Variants in WIPI2 observed in about 807,000 individuals in gnomAD.
WIPI2 encodes the protein WD repeat domain phosphoinositide-interacting protein 2.
A neutral mutation model predicts 52.3 loss-of-function variants in WIPI2; 28 were observed. The ratio of observed to expected loss-of-function variants is 0.54; its 90% CI spans 0.40 to 0.73. The LOEUF (loss-of-function observed/expected upper bound fraction) is 0.73, where lower values mean the gene tolerates loss of function less well. Ranked by LOEUF, WIPI2 falls within the 30% of genes least tolerant of loss-of-function variation. The pLI is 0.00. For missense variants in WIPI2, 506 were observed against 602.9 expected (o/e 0.84, Z 1.68); for synonymous variants, 268 against 245.0 (o/e 1.09, Z -0.88).
intron 3 of WIPI2, among the ~76,000 whole-genome samples, chr7:5,205,309 T>C (rs1161440918): frequency 6.6e-6 from 1 of 152,178 alleles, no homozygotes; most frequent in Non-Finnish European, 1.5e-5. Flanking sequence ...GACAAAAATA[T>C]GTTCACTCCA....
At chr7:5,200,247 T>C (rs1000516012) in intron 3 of WIPI2, among the ~76,000 whole-genome samples, 1 of 152,196 alleles carries the variant, frequency 6.6e-6, no homozygotes, top group African/African-American at 2.4e-5. Context: ...TTAGAGATTA[T>C]GTATGTGTGT....
chr7:5,232,298 G>A lies in WIPI2; in HGVS notation c.*1351G>A, dbSNP rs960616572. 23 of 398,674 alleles carry A rather than the reference G, an allele frequency of 5.8e-5. No homozygotes were observed. Among genetic ancestry groups the A allele is most frequent in the Middle Eastern group, 1.3e-3 (2 of 1,588 alleles). The allele number at this position is 398,674 out of a possible 1,614,324, so 24.7% of individuals were successfully genotyped here. ...GATGGTTGTCATGGTCACGCTGGGCGAAGAGCTGGAGGGGAGTTGTCCCCT... is the reference window on the plus strand; with the variant it reads ...GATGGTTGTCATGGTCACGCTGGGCAAAGAGCTGGAGGGGAGTTGTCCCCT... On this transcript the variant is annotated 3_prime_UTR_variant, in exon 13 of 13. Coordinates refer to ENST00000288828, the MANE Select transcript of WIPI2 (RefSeq NM_015610.4).
intron 3 of WIPI2, among the ~76,000 whole-genome samples, chr7:5,209,939 G>T (rs541562588): frequency 6.6e-6 from 1 of 151,782 alleles, no homozygotes; most frequent in Admixed American, 6.6e-5. Context: ...GTGGAGTCTC[G>T]TTGTGCTGCC....
chr7:5,225,895 C>A lies in WIPI2; in HGVS notation c.813C>A (p.Thr271=), dbSNP rs761830954. The A allele has an allele frequency of 3.1e-6, 5 of 1,613,940 alleles. No individual in the cohort carries two copies. The Admixed American group carries it at 6.7e-5, about 22-fold the overall frequency. The change falls in exon 9 of 13, where the codon ACC becomes ACA. Residue 271 remains threonine (T), a synonymous_variant. Coordinates refer to ENST00000288828, the MANE Select transcript of WIPI2 (RefSeq NM_015610.4). ...TCTCCGCCTCCAGCAACACTGAGAC[C>A]GTGCACATCTTCAAACTCGAGACTG... ...MFLSASSNTE[T]VHIFKLETVK...
intron 2 of WIPI2, among the ~76,000 whole-genome samples, chr7:5,195,238 G>A (rs1015199182): frequency 4.6e-5 from 7 of 152,214 alleles, no homozygotes; most frequent in Admixed American, 3.9e-4. Flanking sequence ...TGTAATCCTG[G>A]CACTATGCAA....
intron 2 of WIPI2, among the ~76,000 whole-genome samples, chr7:5,197,111 CAAAAAACAAAAAAAAAAAAA>C (rs1302756158): frequency 1.1e-4 from 6 of 56,432 alleles, no homozygotes; most frequent in African/African-American, 2.9e-4. Context: ...GACTCCGTCT[CAAAAAACAAAAAAAAAAAAA>C]AAAAAAAAAA....
chr7:5,190,258 A>C lies in WIPI2; in HGVS notation c.-162A>C. The C allele has an allele frequency of 2.8e-6, 1 of 354,224 alleles. No individual in the cohort carries two copies. Among genetic ancestry groups the C allele is most frequent in the Non-Finnish European group, 4.7e-6 (1 of 213,458 alleles). The allele number at this position is 354,224 out of a possible 1,614,324, so 21.9% of individuals were successfully genotyped here. A position where few individuals can be genotyped will look rare whatever the true frequency, so the allele number is the denominator to read the frequency against. ...GTACCGGGTGCCCCGGCTCTGGAGC[A>C]TAAACAAGAGCGGGGACGGGATGAG... On this transcript the variant is annotated 5_prime_UTR_variant, in exon 1 of 13. Coordinates refer to ENST00000288828, the MANE Select transcript of WIPI2 (RefSeq NM_015610.4).
intron 3 of WIPI2, among the ~76,000 whole-genome samples, chr7:5,204,761 G>A (rs1386052114): frequency 1.3e-5 from 2 of 151,930 alleles, no homozygotes; most frequent in Non-Finnish European, 2.9e-5. Context: ...ACGGCTCACT[G>A]TAACCTCAAC....
In WIPI2 at chr7:5,218,904, CCTTTA is replaced by C. The variant is rs200632581; in HGVS notation, c.669+895_669+899del. 4 of 152,320 alleles carry C rather than the reference CCTTTA, an allele frequency of 2.6e-5. 1 individual carries two copies. The East Asian group carries it at 7.7e-4, about 29-fold the overall frequency. The allele number at this position is 152,320 out of a possible 1,614,324, so 9.4% of individuals were successfully genotyped here. On this transcript the variant is annotated intron_variant, in intron 7 of 12. Coordinates refer to ENST00000288828, the MANE Select transcript of WIPI2 (RefSeq NM_015610.4). ...TCCGCTCTTCATTGGCCACCGATGACCTTTACTTTGATTTGGATATGATTTTGCTT... is the reference window on the plus strand; with the variant it reads ...TCCGCTCTTCATTGGCCACCGATGACCTTTGATTTGGATATGATTTTGCTT...
chr7:5,190,572 C>A, intron 1 of WIPI2, 79 bp downstream of exon 1: 3 of 1,292,900 alleles, frequency 2.3e-6, no homozygotes, highest in Non-Finnish European at 2.0e-6. Context: ...CGCTGCCAAG[C>A]TCGGCGGCGT....
At chr7:5,200,258 A>T (rs531276166) in intron 3 of WIPI2, among the ~76,000 whole-genome samples, 1 of 152,320 alleles carries the variant, frequency 6.6e-6, no homozygotes, top group East Asian at 1.9e-4. Flanking sequence ...GTATGTGTGT[A>T]CTTAACAGTG....
At chr7:5,204,715 A>G (rs1782208168) in intron 3 of WIPI2, among the ~76,000 whole-genome samples, 1 of 151,856 alleles carries the variant, frequency 6.6e-6, no homozygotes, top group African/African-American at 2.4e-5. Flanking sequence ...TTTAAAACAC[A>G]GGGTCTCGCT....
In WIPI2 at chr7:5,229,205, C is replaced by T. The variant is rs942469018; in HGVS notation, c.1122-403C>T. On this transcript the variant is annotated intron_variant, in intron 11 of 12. Coordinates refer to ENST00000288828, the MANE Select transcript of WIPI2 (RefSeq NM_015610.4). ...TAATTTTTTGTATTTTTAGTAGAGA[C>T]GGGGTTTCACTGTGTTAGCCAGGAT... Among the ~76,000 whole-genome samples, 5 of 152,104 alleles carry T rather than the reference C, an allele frequency of 3.3e-5. 1 individual carries two copies. The highest frequency in any genetic ancestry group is 1.2e-4 in the African/African-American group (5 of 41,518).
At chr7:5,206,553 A>C (rs1012810823) in intron 3 of WIPI2, among the ~76,000 whole-genome samples, 1 of 152,222 alleles carries the variant, frequency 6.6e-6, no homozygotes, top group Non-Finnish European at 1.5e-5. Context: ...ACCATTTCCA[A>C]GTGATGGTTG....
chr7:5,230,737 T>C lies in WIPI2; in HGVS notation c.1253-98T>C. 2 of 787,920 alleles carry C rather than the reference T, an allele frequency of 2.5e-6. No individual in the cohort carries two copies. The highest frequency in any genetic ancestry group is 3.9e-6 in the Non-Finnish European group (2 of 508,762). 48.8% of individuals were successfully genotyped at this position (787,920 alleles called of 1,614,324 possible). A position where few individuals can be genotyped will look rare whatever the true frequency, so the allele number is the denominator to read the frequency against. On this transcript the variant is annotated intron_variant, in intron 12 of 12. Transcript: ENST00000288828. This position sits in a 1 kb window ranked among gnomAD's most constrained non-coding sequence, Gnocchi z 4.8. ...CTTAGTACAGGCTTCAGTTTATAAA[T>C]ATACACCAGTGTTTCCAAAACACAG... is the stretch of plus-strand genomic sequence containing the variant.
Position 5,211,130 on chromosome 7 carries a change from G to A in WIPI2, c.212-3405G>A, listed in dbSNP as rs187589845. 4.7e-4 allele frequency among the ~76,000 whole-genome samples: 72 copies of A among 152,306 alleles called. No homozygotes were observed. The East Asian group carries it at 7.9e-3, about 17-fold the overall frequency. Reference sequence around the variant, plus strand: ...CAGAATCAACACGAGAAGATAGGACGTTGCCCTGTGTGACCTCAGCCAGGA... The same window carrying A: ...CAGAATCAACACGAGAAGATAGGACATTGCCCTGTGTGACCTCAGCCAGGA... On this transcript the variant is annotated intron_variant, in intron 3 of 12. Transcript: ENST00000288828.
chr7:5,201,746 T>C (rs1488001830), intron 3 of WIPI2, among the ~76,000 whole-genome samples: 1 of 152,158 alleles, frequency 6.6e-6, no homozygotes, highest in Non-Finnish European at 1.5e-5. Flanking sequence ...TCTGTCTTAA[T>C]AAATAATAAA....
chr7:5,203,664 G>A (rs1202073364), intron 3 of WIPI2, among the ~76,000 whole-genome samples: 5 of 126,984 alleles, frequency 3.9e-5, no homozygotes, highest in Middle Eastern at 4.9e-3. Flanking sequence ...ACGGAGTGTC[G>A]CTCTGTAGCC....
intron 3 of WIPI2, among the ~76,000 whole-genome samples, chr7:5,207,024 A>C (rs187575993): frequency 1.5e-3 from 227 of 152,278 alleles, no homozygotes; most frequent in Non-Finnish European, 2.0e-3. Flanking sequence ...AGTGATCCAC[A>C]TCAGCCTCCC....
Sources: allele counts gnomAD v4.1 joint callset (sites outside exome capture counted in the v4.1 genomes callset), GRCh38; gene constraint gnomAD v4.1.1; non-coding constraint Gnocchi (gnomAD v3.1); transcripts MANE v1.5; gene names NCBI Gene and HGNC (gene_info 2026-07-23, HGNC 2026-07-21).